Variants in ATG7 observed in about 807,000 individuals in gnomAD.
ATG7 encodes ubiquitin-like modifier-activating enzyme ATG7.
Under a neutral mutation model 82.4 loss-of-function variants are expected in ATG7, and 70 were observed. That is an observed-to-expected ratio of 0.85 (90% confidence interval 0.70 to 1.04). The LOEUF (loss-of-function observed/expected upper bound fraction) is 1.04, where lower values mean the gene tolerates loss of function less well. Among genes scored for constraint, ATG7 ranks in the 50% least tolerant of loss-of-function variants. The probability of loss-of-function intolerance (pLI) is 0.00; values close to 1 mark genes in which losing one functional copy is unlikely to be tolerated. For missense variants in ATG7, 792 were observed against 864.3 expected, an observed-to-expected ratio of 0.92 and a Z score of 1.05; for synonymous variants, 287 against 313.0, an observed-to-expected ratio of 0.92 and a Z score of 0.88.
chr3:11,378,515 T>G (rs2077608528), intron 18 of ATG7, among the ~76,000 whole-genome samples: 1 of 150,664 alleles, frequency 6.6e-6, no homozygotes, highest in South Asian at 2.1e-4. Context: ...AAACCCCATC[T>G]CTACTAAAAA....
At chr3:11,429,932 C>T (rs1198426878) in intron 20 of ATG7, among the ~76,000 whole-genome samples, 2 of 131,192 alleles carry the variant, frequency 1.5e-5, no homozygotes, top group African/African-American at 2.9e-5. Flanking sequence ...GGCGACAGAG[C>T]GAGACTCTGT....
intron 20 of ATG7, among the ~76,000 whole-genome samples, chr3:11,551,873 C>G (rs1007974755): frequency 3.9e-5 from 6 of 152,112 alleles, no homozygotes; most frequent in African/African-American, 1.4e-4. Context: ...CTCAGCCTCC[C>G]AAGTAGCTGG....
intron 20 of ATG7, among the ~76,000 whole-genome samples, chr3:11,497,209 A>G (rs2090899951): frequency 6.6e-6 from 1 of 150,424 alleles, no homozygotes; most frequent in Non-Finnish European, 1.5e-5. Flanking sequence ...TAATTATTTC[A>G]GTTTCAAAAT....
At chr3:11,475,060 T>A (rs2454490) in intron 20 of ATG7, among the ~76,000 whole-genome samples, 31,539 of 150,606 alleles carry the variant, frequency 0.21, 3,715 homozygotes, top group South Asian at 0.35. Context: ...CTGGCCACTG[T>A]GTGGGGAATG....
chr3:11,421,080 A>G (rs755055734), intron 19 of ATG7, among the ~76,000 whole-genome samples: 4 of 152,130 alleles, frequency 2.6e-5, no homozygotes, highest in Non-Finnish European at 5.9e-5. Flanking sequence ...TTTGCTAAAA[A>G]ATGCTAACAA....
At chr3:11,300,118 T>C (rs1946557307) in intron 5 of ATG7, among the ~76,000 whole-genome samples, 1 of 152,192 alleles carries the variant, frequency 6.6e-6, no homozygotes, top group Non-Finnish European at 1.5e-5. Context: ...GTAGAGACAG[T>C]GTTTCACCAT....
At chr3:11,473,853 G>A (rs917477705) in intron 20 of ATG7, among the ~76,000 whole-genome samples, 2 of 152,190 alleles carry the variant, frequency 1.3e-5, no homozygotes, top group Non-Finnish European at 2.9e-5. Context: ...ACTGTGCTGT[G>A]CTCAGACTTC....
rs1346105964 is a variant in ATG7, at chr3:11,556,448, G to C, written c.*1605G>C. On this transcript the variant is annotated 3_prime_UTR_variant, in exon 21 of 21. Coordinates refer to ENST00000693202, the MANE Select transcript of ATG7 (RefSeq NM_001349232.2). ...TTCACTGACAAAGAGACCTGTCCCA[G>C]GAGTGTCCTCCACCGAGCCGGTCAG... The C allele has an allele frequency of 6.5e-6, 1 of 152,748 alleles. No individual in the cohort carries two copies. The highest frequency in any genetic ancestry group is 1.5e-5 in the Non-Finnish European group (1 of 68,070). 9.5% of individuals were successfully genotyped at this position (152,748 alleles called of 1,614,324 possible). A position where few individuals can be genotyped will look rare whatever the true frequency, so the allele number is the denominator to read the frequency against.
the ATG7 span, among the ~76,000 whole-genome samples, chr3:11,569,744 T>A: frequency 6.6e-6 from 1 of 152,184 alleles, no homozygotes; most frequent in Non-Finnish European, 1.5e-5. Context: ...TGGCTGGGCA[T>A]GGTGACGTGC....
At chr3:11,357,872 G>T (rs1311872913) in intron 14 of ATG7, among the ~76,000 whole-genome samples, 1 of 151,846 alleles carries the variant, frequency 6.6e-6, no homozygotes, top group Non-Finnish European at 1.5e-5. Flanking sequence ...AGCCAGGTGT[G>T]GTGACGTGTG....
At chr3:11,340,311 C>CTT (rs747188142) in intron 11 of ATG7, among the ~76,000 whole-genome samples, 2 of 144,830 alleles carry the variant, frequency 1.4e-5, no homozygotes, top group African/African-American at 2.5e-5. Context: ...AAAAGATTGT[C>CTT]TTTTTTTTTT....
At position 11,388,162 on chromosome 3, in the gene ATG7, G is replaced by C. The variant is rs537602634; in HGVS notation, c.1956+8110G>C. Among the ~76,000 whole-genome samples, 24 of 152,258 alleles carry C rather than the reference G, an allele frequency of 1.6e-4. No individual in the cohort carries two copies. The South Asian group carries it at 3.5e-3, about 22-fold the overall frequency. ...GGCTGCCCCTATGGCTTTGGGAACT[G>C]ACCATCTACCTCTGGGGACTCCTTT... On this transcript the variant is annotated intron_variant, in intron 19 of 20. Transcript: ENST00000693202.
intron 8 of ATG7, among the ~76,000 whole-genome samples, 154 bp from the exon 9 acceptor site, chr3:11,315,190 C>T (rs1055666547): frequency 2.0e-5 from 3 of 152,150 alleles, no homozygotes; most frequent in Admixed American, 1.3e-4. Flanking sequence ...TATTTGGAGG[C>T]ACTTCTATGT....
At chr3:11,477,000 A>ATGG in intron 20 of ATG7, 1 of 947,726 alleles carries the variant, frequency 1.1e-6, no homozygotes, top group South Asian at 1.4e-5. Flanking sequence ...CCTCTTTATT[A>ATGG]CAGTGTTTTC....
chr3:11,297,099 T>G (rs1052774996), intron 3 of ATG7, among the ~76,000 whole-genome samples: 1 of 152,194 alleles, frequency 6.6e-6, no homozygotes, highest in Non-Finnish European at 1.5e-5. Context: ...GGCTCATGCC[T>G]GTAATCGCAG....
chr3:11,399,042 T>C (rs536232658), intron 19 of ATG7, among the ~76,000 whole-genome samples: 2 of 152,260 alleles, frequency 1.3e-5, no homozygotes, highest in East Asian at 1.9e-4. Flanking sequence ...TATCTTAGCA[T>C]TGAATTTTTA....
At chr3:11,360,107 G>A (rs982666025) in intron 15 of ATG7, among the ~76,000 whole-genome samples, 7 of 152,086 alleles carry the variant, frequency 4.6e-5, no homozygotes, top group Non-Finnish European at 8.8e-5. Context: ...GTGCAGTGGC[G>A]GAATCTCGGC....
At chr3:11,296,129 T>C (rs75644524) in intron 3 of ATG7, among the ~76,000 whole-genome samples, 2 of 152,236 alleles carry the variant, frequency 1.3e-5, no homozygotes, top group Non-Finnish European at 2.9e-5. Flanking sequence ...TCTAGGACTT[T>C]GTGGGGCTTT....
Position 11,422,740 on chromosome 3 carries a change from C to CTTTTTTTTTTTTT in ATG7, c.1957-4047_1957-4035dup, listed in dbSNP as rs557755646. On this transcript the variant is annotated intron_variant, in intron 19 of 20. Transcript: ENST00000693202. ...CCTCACTATGCTTAATCATTTCTAG[C>CTTTTTTTTTTTTT]TTTTTTTTTTTTTTTTTTTTTTTTT... Among the ~76,000 whole-genome samples, 49 of 49,554 alleles carry CTTTTTTTTTTTTT rather than the reference C, an allele frequency of 9.9e-4. 13 individuals carry two copies. Among genetic ancestry groups the CTTTTTTTTTTTTT allele is most frequent in the African/African-American group, 2.3e-3 (23 of 9,874 alleles). 32.5% of individuals were successfully genotyped at this position (49,554 alleles called of 152,430 possible). A position where few individuals can be genotyped will look rare whatever the true frequency, so the allele number is the denominator to read the frequency against.
Sources: gnomAD v4.1 joint callset for allele counts (sites outside exome capture counted in the v4.1 genomes callset) on GRCh38, gnomAD v4.1.1 for gene constraint, MANE v1.5 for transcripts, NCBI Gene and HGNC (gene_info 2026-07-23, HGNC 2026-07-21) for gene names.